The following RAB3GAP1 variants were observed in gnomAD, a reference collection of about 807,000 sequenced individuals.
RAB3GAP1 encodes RAB3 GTPase activating protein catalytic subunit 1.
In RAB3GAP1, 86 loss-of-function variants were observed where a neutral mutation model predicts 130.7. The ratio of observed to expected loss-of-function variants is 0.66; its 90% CI spans 0.55 to 0.79. RAB3GAP1 has a LOEUF of 0.79. Ranked by LOEUF, RAB3GAP1 falls within the 30% of genes least tolerant of loss-of-function variation. The pLI is 0.00. For missense variants in RAB3GAP1, 1,029 were observed against 1,169.4 expected (o/e 0.88, Z 1.75); for synonymous variants, 367 against 401.7 (o/e 0.91, Z 1.03).
intron 17 of RAB3GAP1, among the ~76,000 whole-genome samples, chr2:135,143,489 AT>A (rs1691904176): frequency 6.9e-6 from 1 of 145,358 alleles, no homozygotes; most frequent in Admixed American, 6.8e-5. Context: ...CTAATCTGCT[AT>A]TTTTCTAACT....
intron 5 of RAB3GAP1, among the ~76,000 whole-genome samples, chr2:135,109,415 CAATTA>C (rs1252770127): frequency 6.6e-5 from 10 of 151,902 alleles, no homozygotes; most frequent in Non-Finnish European, 1.2e-4. Context: ...TAGATTTTTA[CAATTA>C]AATTAAAATA....
At chr2:135,173,629 A>T (rs1434254892), downstream of RAB3GAP1, among the ~76,000 whole-genome samples, 1 of 152,196 alleles carries the variant, frequency 6.6e-6, no homozygotes, top group Non-Finnish European at 1.5e-5. Flanking sequence ...CCCCTTTGCT[A>T]GCAGGGTGGG....
intron 5 of RAB3GAP1, among the ~76,000 whole-genome samples, chr2:135,097,216 C>G (rs756269292): frequency 5.0e-5 from 7 of 139,910 alleles, no homozygotes; most frequent in Non-Finnish European, 7.8e-5. Flanking sequence ...GTCCTTCCCA[C>G]TTTTTTTTTT....
At chr2:135,068,994 A>G (rs187169950) in intron 3 of RAB3GAP1, among the ~76,000 whole-genome samples, 2 of 152,358 alleles carry the variant, frequency 1.3e-5, no homozygotes, top group Non-Finnish European at 1.5e-5. Context: ...TAACAAAGCC[A>G]TAATCATTTA....
intron 5 of RAB3GAP1, among the ~76,000 whole-genome samples, chr2:135,110,867 A>G (rs558907764): frequency 6.6e-6 from 1 of 152,334 alleles, no homozygotes; most frequent in Admixed American, 6.5e-5. Flanking sequence ...GATAAATGGA[A>G]CATTTCTGGA....
chr2:135,158,232 C>G (rs1255805095), intron 19 of RAB3GAP1, among the ~76,000 whole-genome samples: 2 of 152,080 alleles, frequency 1.3e-5, no homozygotes, highest in Non-Finnish European at 2.9e-5. Flanking sequence ...GCACACATAG[C>G]TTGATTTTTT....
Position 135,135,578 on chromosome 2 carries a change from T to C in RAB3GAP1, c.1569T>C (p.Cys523=), listed in dbSNP as rs1691654369. ...CTTTTCTTAAGATGTTAAATTGTTG[T>C]ATTGAAAGAAAGAAGGCACGTGATG... ...LHQKLQMLNC[C]IERKKARDEG... The change falls in exon 17 of 24, where the codon TGT becomes TGC. Residue 523 remains cysteine (C), a synonymous_variant. Coordinates refer to ENST00000264158, the MANE Select transcript of RAB3GAP1 (RefSeq NM_012233.3). The C allele has an allele frequency of 6.2e-7, 1 of 1,601,514 alleles. No individual in the cohort carries two copies. The highest frequency in any genetic ancestry group is 1.7e-5 in the Admixed American group (1 of 59,270).
Position 135,115,351 on chromosome 2 carries a change from A to G in RAB3GAP1, c.618A>G (p.Ser206=). 1.2e-6 allele frequency: 2 copies of G among 1,613,212 alleles called. No homozygotes were observed. The highest frequency in any genetic ancestry group is 1.7e-6 in the Non-Finnish European group (2 of 1,179,208). The change falls in exon 7 of 24, where the codon TCA becomes TCG. Residue 206 remains serine (S), a synonymous_variant. Transcript: ENST00000264158. Reference sequence around the variant, plus strand: ...TGCCAAATCAGTACACTCACTTATCAGGTCTGCTGGATATCTTCAAATCAA... The same window carrying G: ...TGCCAAATCAGTACACTCACTTATCGGGTCTGCTGGATATCTTCAAATCAA... ...RKVPNQYTHL[S]GLLDIFKSKI...
In RAB3GAP1 at chr2:135,130,712, T is replaced by G. The variant is rs1558791137; in HGVS notation, c.1227T>G (p.Thr409=). 1 of 1,612,234 alleles carries G rather than the reference T, an allele frequency of 6.2e-7. No homozygotes were observed. Among genetic ancestry groups the G allele is most frequent in the Admixed American group, 1.7e-5 (1 of 60,004 alleles). Residue 409 remains threonine, a synonymous_variant, in exon 13 of 24, where the codon ACT becomes ACG. Transcript: ENST00000264158. ...ESPLNNDVLN[T]ILLFLFPDAV... The stretch of plus-strand genomic sequence containing the variant: ...CGCTAAATAATGATGTTCTTAATAC[T>G]ATTCTCCTGGTAACTAAATGTTCTG...
chr2:135,105,630 TAGC>T (rs1690580085), intron 5 of RAB3GAP1, among the ~76,000 whole-genome samples: 1 of 152,174 alleles, frequency 6.6e-6, no homozygotes, highest in Non-Finnish European at 1.5e-5. Context: ...AGTGCTGAGA[TAGC>T]AGCCTCTGCC....
intron 5 of RAB3GAP1, 29 bp from the exon 6 acceptor site, chr2:135,113,120 CCT>C (rs1224033336): frequency 2.5e-6 from 4 of 1,613,692 alleles, no homozygotes; most frequent in East Asian, 2.2e-5. Flanking sequence ...TGAGGTTTCC[CCT>C]GTTTAATGCA....
rs926663903 is a variant in RAB3GAP1 at position 135,170,222 on chromosome 2, T to C, written c.*1441T>C. 6.6e-6 allele frequency: 1 copy of C among 151,852 alleles called. No individual in the cohort carries two copies. The highest frequency in any genetic ancestry group is 1.5e-5 in the Non-Finnish European group (1 of 68,030). 9.4% of individuals were successfully genotyped at this position (151,852 alleles called of 1,614,324 possible). ...TTGTCTGTTTTCTAACAAAGAAAAA[T>C]TCTACAAAGGAGAGGTTGGGCGTTA... On this transcript the variant is annotated 3_prime_UTR_variant, in exon 24 of 24. Coordinates refer to ENST00000264158, the MANE Select transcript of RAB3GAP1 (RefSeq NM_012233.3).
intron 3 of RAB3GAP1, chr2:135,058,577 C>G (rs1689085438): frequency 6.6e-6 from 1 of 152,128 alleles, no homozygotes; most frequent in East Asian, 1.9e-4. Flanking sequence ...CATCCCCCTT[C>G]CCTTTTAAGC....
chr2:135,058,132 A>G lies in RAB3GAP1; in HGVS notation c.150+46A>G, dbSNP rs1480464221. On this transcript the variant is annotated intron_variant, in intron 3 of 23. Transcript: ENST00000264158. ...TCTCTAAATGACTATTTACTTTGAA[A>G]CCTCTATTTTCCAGCCCTTTGCTGC... The G allele has an allele frequency of 6.7e-6, 10 of 1,498,322 alleles. No homozygotes were observed. The Admixed American group carries it at 1.5e-4, about 23-fold the overall frequency. 92.8% of individuals were successfully genotyped at this position (1,498,322 alleles called of 1,614,324 possible).
intron 17 of RAB3GAP1, among the ~76,000 whole-genome samples, chr2:135,148,471 T>C (rs1027952065): frequency 6.6e-6 from 1 of 151,014 alleles, no homozygotes; most frequent in African/African-American, 2.4e-5. Context: ...ACCCAGTGGA[T>C]TGGAACCAAG....
rs377264953 is a variant in RAB3GAP1 at position 135,091,154 on chromosome 2, A to T, written c.283+24A>T. 7 of 1,534,798 alleles carry T rather than the reference A, an allele frequency of 4.6e-6. No individual in the cohort carries two copies. The African/African-American group carries it at 8.2e-5, about 18-fold the overall frequency. On this transcript the variant is annotated intron_variant, in intron 4 of 23. Coordinates refer to ENST00000264158, the MANE Select transcript of RAB3GAP1 (RefSeq NM_012233.3). ...GGGTAAGTTATTTCTATATAATAAT[A>T]TTAACTTCTGATTTGTAGGAGTGGC...
At chr2:135,086,261 T>C (rs1689978394) in intron 3 of RAB3GAP1, among the ~76,000 whole-genome samples, 1 of 152,188 alleles carries the variant, frequency 6.6e-6, no homozygotes, top group African/African-American at 2.4e-5. Flanking sequence ...GGTCTTAGGG[T>C]AGTTACATGT....
At chr2:135,156,231 G>T (rs1007930759) in intron 19 of RAB3GAP1, among the ~76,000 whole-genome samples, 12 of 151,906 alleles carry the variant, frequency 7.9e-5, no homozygotes, top group Non-Finnish European at 1.8e-4. Flanking sequence ...AGGCCCAGAT[G>T]GTTTCACAGG....
intron 9 of RAB3GAP1, among the ~76,000 whole-genome samples, chr2:135,125,614 T>C (rs1334214331): frequency 6.6e-6 from 1 of 152,212 alleles, no homozygotes; most frequent in African/African-American, 2.4e-5. Flanking sequence ...ACACTCTTCT[T>C]GTGATCACTC....
Sources: allele counts gnomAD v4.1 joint callset (sites outside exome capture counted in the v4.1 genomes callset), GRCh38; gene constraint gnomAD v4.1.1; transcripts MANE v1.5; gene names NCBI Gene and HGNC (gene_info 2026-07-23, HGNC 2026-07-21).